Variants in FHAD1 observed in about 807,000 individuals in gnomAD.
The protein encoded by FHAD1 is forkhead associated phosphopeptide binding domain 1.
FHAD1 carries 146 observed loss-of-function variants against 191.3 expected under a neutral mutation model. That is an observed-to-expected ratio of 0.76 (90% CI 0.67 to 0.88). The LOEUF (loss-of-function observed/expected upper bound fraction) is 0.88, where lower values mean the gene tolerates loss of function less well. FHAD1 is among the 40% of genes least tolerant of loss of function. The pLI, the probability that FHAD1 is intolerant of heterozygous loss-of-function variation, is 0.00. For missense variants in FHAD1, 1,635 were observed against 1,785.8 expected (o/e 0.92, Z 1.52); for synonymous variants, 616 against 672.3 (o/e 0.92, Z 1.29).
In FHAD1 at chr1:15,276,435, G is replaced by A. The variant is rs1446023794; in HGVS notation, c.300+3906G>A. Among the ~76,000 whole-genome samples, 1 of 152,130 alleles carries A rather than the reference G, an allele frequency of 6.6e-6. No homozygotes were observed. The highest frequency in any genetic ancestry group is 1.5e-5 in the Non-Finnish European group (1 of 68,018). Reference sequence around the variant, plus strand: ...GGTAGAAAAACAGAAAGAAACTCTTGGTTTACAAAGTACATTGGCACCCAC... The same window carrying A: ...GGTAGAAAAACAGAAAGAAACTCTTAGTTTACAAAGTACATTGGCACCCAC... On this transcript the variant is annotated intron_variant, in intron 3 of 33. Coordinates refer to ENST00000688493, the MANE Select transcript of FHAD1 (RefSeq NM_001391957.1). This position sits in a 1 kb window ranked among gnomAD's most constrained non-coding sequence, Gnocchi z 4.7.
At chr1:15,348,721 A>G (rs2102414343) in intron 18 of FHAD1, among the ~76,000 whole-genome samples, 1 of 152,244 alleles carries the variant, frequency 6.6e-6, no homozygotes, top group Middle Eastern at 3.4e-3. Flanking sequence ...TGCCCTGTCG[A>G]GAGCTCTTTA....
intron 20 of FHAD1, 38 bp downstream of exon 20, chr1:15,353,022 G>A: frequency 7.0e-7 from 1 of 1,432,176 alleles, no homozygotes; most frequent in Non-Finnish European, 9.6e-7. Context: ...GAGGGGCCCA[G>A]CACAGCGAAG....
chr1:15,377,617 C>T (rs957837112), intron 28 of FHAD1, among the ~76,000 whole-genome samples: 1 of 152,102 alleles, frequency 6.6e-6, no homozygotes, highest in African/African-American at 2.4e-5. Context: ...GCGGGCAGAT[C>T]ACTTTGAGCT....
chr1:15,340,236 A>G (rs991187582), intron 15 of FHAD1, among the ~76,000 whole-genome samples: 1 of 152,260 alleles, frequency 6.6e-6, no homozygotes, highest in African/African-American at 2.4e-5. Flanking sequence ...TCTAGAGGCA[A>G]ATGAGCTTTA....
chr1:15,395,472 C>A (rs1308124311), intron 33 of FHAD1, among the ~76,000 whole-genome samples: 1 of 152,178 alleles, frequency 6.6e-6, no homozygotes, highest in East Asian at 1.9e-4. Context: ...CAAGAAGGGA[C>A]AGCCTCACAG....
chr1:15,271,679 T>G (rs546407584), intron 2 of FHAD1, among the ~76,000 whole-genome samples: 2 of 152,072 alleles, frequency 1.3e-5, no homozygotes, highest in Non-Finnish European at 2.9e-5. Context: ...AAACTATGTA[T>G]GTAGGGTGTG....
intron 15 of FHAD1, among the ~76,000 whole-genome samples, chr1:15,339,967 A>G (rs1404327466): frequency 2.0e-5 from 3 of 152,252 alleles, no homozygotes; most frequent in Admixed American, 2.0e-4. Flanking sequence ...CTGGGATTAC[A>G]GGCGCCTGCC....
chr1:15,353,046 A>G, intron 20 of FHAD1, 62 bp downstream of exon 20: 4 of 1,273,618 alleles, frequency 3.1e-6, no homozygotes, highest in Non-Finnish European at 4.4e-6. Flanking sequence ...AGTGCTCTAG[A>G]GCCAGGCTCT....
rs1558285463 is a variant in FHAD1, at chr1:15,381,254, C to T, written c.3825C>T (p.Leu1275=). The T allele has an allele frequency of 2.4e-5, 37 of 1,551,412 alleles. No homozygotes were observed. Among genetic ancestry groups the T allele is most frequent in the Non-Finnish European group, 3.1e-5 (36 of 1,146,920 alleles). ...EKLYLDMSKT[L]GSLMNIKNMS... is the part of the protein sequence containing the mutation. ...AGTACCTGGATATGAGCAAAACCCT[C>T]GGAAGTCTCATGAACATCAAGAATA... Residue 1275 remains leucine, a synonymous_variant, in exon 30 of 34, where the codon CTC becomes CTT. Transcript: ENST00000688493. This position sits in a 1 kb window ranked among gnomAD's most constrained non-coding sequence, Gnocchi z 4.6.
At chr1:15,356,732 C>T (rs1332243582) in intron 20 of FHAD1, among the ~76,000 whole-genome samples, 6 of 151,838 alleles carry the variant, frequency 4.0e-5, no homozygotes, top group African/African-American at 9.7e-5. Context: ...ATTAGCCGGG[C>T]GTGGTGGTGG....
intron 33 of FHAD1, among the ~76,000 whole-genome samples, chr1:15,395,182 CG>C (rs1175770869): frequency 1.3e-5 from 2 of 151,742 alleles, no homozygotes; most frequent in East Asian, 3.9e-4. Flanking sequence ...GGCATGCTGG[CG>C]GGCACCTGTT....
At chr1:15,378,097 A>C (rs1700077525) in intron 28 of FHAD1, among the ~76,000 whole-genome samples, 1 of 152,202 alleles carries the variant, frequency 6.6e-6, no homozygotes, top group Non-Finnish European at 1.5e-5. Context: ...TGAGGCTAGA[A>C]GTTTGAGACC....
At chr1:15,236,661 T>A (rs1377231324) in exon 1 of FHAD1, among the ~76,000 whole-genome samples, 1 of 152,238 alleles carries the variant, frequency 6.6e-6, no homozygotes, top group Non-Finnish European at 1.5e-5. Flanking sequence ...ACAGAGATTC[T>A]GTCTGAGGTT....
chr1:15,355,482 G>A (rs1308591884), intron 20 of FHAD1, among the ~76,000 whole-genome samples: 2 of 152,198 alleles, frequency 1.3e-5, no homozygotes, highest in Non-Finnish European at 2.9e-5. Context: ...GCATGGGACC[G>A]GTGAACTTTG....
chr1:15,251,223 C>T (rs146877195), intron 1 of FHAD1, among the ~76,000 whole-genome samples: 99 of 149,154 alleles, frequency 6.6e-4, no homozygotes, highest in African/African-American at 2.4e-3. Flanking sequence ...CTCAGTGAGC[C>T]AAGATTGCTC....
At chr1:15,246,474 G>GCC (rs370432732), upstream of FHAD1, among the ~76,000 whole-genome samples, 43,061 of 151,850 alleles carry the variant, frequency 0.28, 7,091 homozygotes, top group Non-Finnish European at 0.38. Context: ...AGGATTTCCT[G>GCC]CTGGAGATAG....
At chr1:15,339,216 C>CA (rs1285647372) in intron 14 of FHAD1, among the ~76,000 whole-genome samples, 1 of 152,132 alleles carries the variant, frequency 6.6e-6, no homozygotes, top group Non-Finnish European at 1.5e-5. Context: ...GGGGTTTTAT[C>CA]ACGCTGGCCA....
intron 3 of FHAD1, among the ~76,000 whole-genome samples, chr1:15,281,987 G>A (rs1660783073): frequency 6.6e-6 from 1 of 151,820 alleles, no homozygotes; most frequent in Non-Finnish European, 1.5e-5. Flanking sequence ...TATTTATTTT[G>A]TAGCTCATAT....
chr1:15,375,765 A>C (rs761784380), intron 28 of FHAD1, 35 bp downstream of exon 28: 1 of 1,513,062 alleles, frequency 6.6e-7, no homozygotes, highest in East Asian at 2.5e-5. Flanking sequence ...TGTGACTGGC[A>C]TGTGGAGAGG....
Sources: allele counts gnomAD v4.1 joint callset (sites outside exome capture counted in the v4.1 genomes callset), GRCh38; gene constraint gnomAD v4.1.1; non-coding constraint Gnocchi (gnomAD v3.1); transcripts MANE v1.5; gene names NCBI Gene and HGNC (gene_info 2026-07-23, HGNC 2026-07-21).